The following ASIC2 variants were observed in gnomAD, a reference collection of about 807,000 sequenced individuals.
The protein encoded by ASIC2 is acid-sensing ion channel 2.
A neutral mutation model predicts 57.3 loss-of-function variants in ASIC2; 25 were observed. The observed-to-expected ratio is 0.44, with a 90% confidence interval of 0.32 to 0.61. ASIC2 has a LOEUF of 0.61. Among genes scored for constraint, ASIC2 ranks in the 20% least tolerant of loss-of-function variants. ASIC2 has a pLI of 0.06. For synonymous variants in ASIC2, 319 were observed against 307.5 expected (o/e 1.04, Z -0.39); for missense variants, 641 against 738.1 (o/e 0.87, Z 1.52).
chr17:34,097,146 T>C (rs1457247734), intron 1 of ASIC2, among the ~76,000 whole-genome samples: 1 of 152,158 alleles, frequency 6.6e-6, no homozygotes, highest in East Asian at 1.9e-4. Flanking sequence ...TATTACCCAA[T>C]CCATTAGCAC....
intron 1 of ASIC2, among the ~76,000 whole-genome samples, chr17:33,899,223 C>A (rs1215451121): frequency 1.3e-5 from 2 of 151,996 alleles, no homozygotes; most frequent in Non-Finnish European, 2.9e-5. Context: ...TATTTCACCT[C>A]TCCACACCCT....
intron 1 of ASIC2, among the ~76,000 whole-genome samples, chr17:33,181,793 T>C (rs2142059449): frequency 6.6e-6 from 1 of 152,286 alleles, no homozygotes; most frequent in Middle Eastern, 3.4e-3. Context: ...GACTTGGAGA[T>C]ATCTTTTGGG....
At chr17:33,258,380 C>T (rs1909153965) in intron 1 of ASIC2, among the ~76,000 whole-genome samples, 1 of 152,128 alleles carries the variant, frequency 6.6e-6, no homozygotes, top group South Asian at 2.1e-4. Context: ...GTGATCCATG[C>T]TGTGGAGCAA....
Position 34,046,579 on chromosome 17 carries a change from TC to T in ASIC2, c.555+109398del, listed in dbSNP as rs1410273174. Among the ~76,000 whole-genome samples, 8 of 152,294 alleles carry T rather than the reference TC, an allele frequency of 5.3e-5. No individual in the cohort carries two copies. In the East Asian group the frequency reaches 1.5e-3, roughly 29 times the overall value. On this transcript the variant is annotated intron_variant, in intron 1 of 9. Transcript: ENST00000359872. The stretch of plus-strand genomic sequence containing the variant: ...AAACATGGAGGAGGTAAGATTTTTA[TC>T]CATAAATTCCCAACTTATTTCCATG...
At chr17:33,799,130 T>C (rs992623001) in intron 1 of ASIC2, among the ~76,000 whole-genome samples, 38 of 152,342 alleles carry the variant, frequency 2.5e-4, no homozygotes, top group South Asian at 4.1e-4. Flanking sequence ...CTTTCTTCTT[T>C]GTAAGTGGAC....
chr17:33,228,107 T>A (rs1375279202), intron 1 of ASIC2, among the ~76,000 whole-genome samples: 4 of 152,158 alleles, frequency 2.6e-5, no homozygotes. Flanking sequence ...GCACTCTTAG[T>A]GTTGTCAGCA....
intron 1 of ASIC2, among the ~76,000 whole-genome samples, chr17:33,305,554 AAAGATGTTT>A (rs1906135769): frequency 2.0e-5 from 3 of 152,230 alleles, no homozygotes; most frequent in African/African-American, 4.8e-5. Flanking sequence ...AAAACATAAA[AAAGATGTTT>A]AAAATGATGT....
chr17:33,710,317 T>C (rs1908988235), intron 1 of ASIC2, among the ~76,000 whole-genome samples: 1 of 152,184 alleles, frequency 6.6e-6, no homozygotes, highest in Non-Finnish European at 1.5e-5. Context: ...GACCATCTAT[T>C]ATGCGTCAAG....
At chr17:34,107,484 G>A (rs558527805) in intron 1 of ASIC2, among the ~76,000 whole-genome samples, 13 of 152,288 alleles carry the variant, frequency 8.5e-5, no homozygotes, top group Non-Finnish European at 1.3e-4. Context: ...ACCCCAGCAT[G>A]AGTGACAGAG....
chr17:33,471,406 T>C (rs953579703), intron 1 of ASIC2, among the ~76,000 whole-genome samples: 9 of 152,350 alleles, frequency 5.9e-5, no homozygotes, highest in South Asian at 4.1e-4. Context: ...TAATTATTTC[T>C]TTTCTTCTTT....
In ASIC2 at chr17:33,293,193, A is replaced by G. The variant is rs1905578919; in HGVS notation, c.-1078T>C. Among the ~76,000 whole-genome samples, 1 of 152,122 alleles carries G rather than the reference A, an allele frequency of 6.6e-6. No homozygotes were observed. Among genetic ancestry groups the G allele is most frequent in the East Asian group, 1.9e-4 (1 of 5,160 alleles). On this transcript the variant is annotated 5_prime_UTR_variant, in exon 1 of 10. Transcript: ENST00000225823. Reference sequence around the variant, plus strand: ...TAAGCTCCTTCCCCGGTTGCCCGGGAGAACCCTCTTTGGGCCCCAGGCGAA... The same window carrying G: ...TAAGCTCCTTCCCCGGTTGCCCGGGGGAACCCTCTTTGGGCCCCAGGCGAA...
intron 1 of ASIC2, among the ~76,000 whole-genome samples, chr17:33,822,872 C>A (rs1912789316): frequency 6.6e-6 from 1 of 152,168 alleles, no homozygotes; most frequent in Non-Finnish European, 1.5e-5. Context: ...CTGTTGAAAG[C>A]AGCATGGTTG....
chr17:33,929,654 C>T (rs968302999), intron 1 of ASIC2, among the ~76,000 whole-genome samples: 3 of 152,186 alleles, frequency 2.0e-5, no homozygotes, highest in African/African-American at 7.2e-5. Flanking sequence ...TGCCCTTTGT[C>T]CTGCCAGTCT....
At chr17:33,115,577 T>C (rs998137034) in intron 1 of ASIC2, among the ~76,000 whole-genome samples, 4 of 152,212 alleles carry the variant, frequency 2.6e-5, no homozygotes, top group Non-Finnish European at 5.9e-5. Context: ...TAGAATGTTC[T>C]GGCGCGCTTT....
At chr17:34,149,926 G>T (rs1904446118) in intron 1 of ASIC2, among the ~76,000 whole-genome samples, 1 of 152,136 alleles carries the variant, frequency 6.6e-6, no homozygotes, top group African/African-American at 2.4e-5. Flanking sequence ...ATGTCAAAGA[G>T]ATTCTGCCCT....
rs542026623 is a variant in ASIC2 at position 33,358,254 on chromosome 17, C to T, written c.556-246187G>A. Among the ~76,000 whole-genome samples the T allele has an allele frequency of 3.9e-5, 6 of 152,318 alleles. No homozygotes were observed. The East Asian group carries it at 5.8e-4, about 15-fold the overall frequency. ...ATTTTTGGCTGCCTTTTCACTCCAACGGCAGAAGAATAGTTGAGTCAGAGA... is the reference window on the plus strand; with the variant it reads ...ATTTTTGGCTGCCTTTTCACTCCAATGGCAGAAGAATAGTTGAGTCAGAGA... On this transcript the variant is annotated intron_variant, in intron 1 of 9. Transcript: ENST00000359872.
chr17:33,553,000 A>C (rs1915798169), intron 1 of ASIC2, among the ~76,000 whole-genome samples: 1 of 152,090 alleles, frequency 6.6e-6, no homozygotes, highest in African/African-American at 2.4e-5. Flanking sequence ...TCTGTAGAAG[A>C]GGGGCTCTGA....
At chr17:34,052,106 TTCATTCATTCACTCAC>T (rs1908590967) in intron 1 of ASIC2, among the ~76,000 whole-genome samples, 1 of 152,160 alleles carries the variant, frequency 6.6e-6, no homozygotes, top group Non-Finnish European at 1.5e-5. Context: ...CATCCACTCA[TTCATTCATTCACTCAC>T]TGGCAACAAT....
chr17:33,705,416 C>A (rs1479335943), intron 1 of ASIC2, among the ~76,000 whole-genome samples: 1 of 151,966 alleles, frequency 6.6e-6, no homozygotes, highest in Non-Finnish European at 1.5e-5. Context: ...AGAATGTTAC[C>A]TTATTTGGAA....
Sources: gnomAD v4.1 joint callset for allele counts (sites outside exome capture counted in the v4.1 genomes callset) on GRCh38, gnomAD v4.1.1 for gene constraint, MANE v1.5 for transcripts, NCBI Gene and HGNC (gene_info 2026-07-23, HGNC 2026-07-21) for gene names.